OR3A3: variants seen among roughly 807,000 people sequenced by gnomAD.
OR3A3 encodes the protein olfactory receptor 3A3.
For missense variants in OR3A3, 275 were observed against 391.4 expected (o/e 0.70, Z 2.51); for synonymous variants, 103 against 163.9 (o/e 0.63, Z 2.84).
chr17:3,419,975 G>A (rs2072418662), intron 2 of OR3A3, among the ~76,000 whole-genome samples: 1 of 152,174 alleles, frequency 6.6e-6, no homozygotes, highest in African/African-American at 2.4e-5. Flanking sequence ...CGCTGTGTTA[G>A]CCAGGATGGT....
At chr17:3,421,286 CTGA>C in exon 3 of OR3A3, 1 of 1,614,208 alleles carries the variant, frequency 6.2e-7, no homozygotes, top group Non-Finnish European at 8.5e-7. Flanking sequence ...ATCCGCTCTG[CTGA>C]GGGCAGAAAG....
chr17:3,423,655 AG>A (rs2072451293), exon 3 of OR3A3: 1 of 152,162 alleles, frequency 6.6e-6, no homozygotes, highest in East Asian at 1.9e-4. Flanking sequence ...TTTGATGACC[AG>A]GCATGGTGGC....
intron 2 of OR3A3, among the ~76,000 whole-genome samples, chr17:3,413,323 G>C (rs1308305405): frequency 2.0e-5 from 3 of 152,164 alleles, no homozygotes; most frequent in African/African-American, 7.2e-5. Flanking sequence ...AGCAACTGGC[G>C]TCAAGTCTTG....
intron 2 of OR3A3, among the ~76,000 whole-genome samples, chr17:3,413,550 C>T (rs1277954562): frequency 6.6e-6 from 1 of 152,154 alleles, no homozygotes; most frequent in Non-Finnish European, 1.5e-5. Context: ...TGCGGTGGCT[C>T]ACGCCTGTAA....
chr17:3,420,456 T>G, intron 2 of OR3A3, 124 bp from the exon 3 acceptor site: 1 of 1,487,884 alleles, frequency 6.7e-7, no homozygotes, highest in Non-Finnish European at 9.0e-7. Context: ...GTAAAGGCAT[T>G]GAGGTGTTGG....
exon 3 of OR3A3, chr17:3,421,373 T>C: frequency 6.2e-7 from 1 of 1,614,212 alleles, no homozygotes; most frequent in South Asian, 1.1e-5. Flanking sequence ...TTCAGCTACA[T>C]GAGGCTGGGT....
At chr17:3,414,492 A>G (rs1455023522) in intron 2 of OR3A3, among the ~76,000 whole-genome samples, 3 of 152,196 alleles carry the variant, frequency 2.0e-5, no homozygotes, top group African/African-American at 7.2e-5. Flanking sequence ...CATCTTTACA[A>G]AGAAAGAAAA....
intron 2 of OR3A3, among the ~76,000 whole-genome samples, chr17:3,418,772 A>G (rs1454343694): frequency 1.3e-5 from 2 of 152,134 alleles, no homozygotes; most frequent in Middle Eastern, 6.3e-3. Context: ...CCATCTTCTG[A>G]TTTCAGATAC....
chr17:3,415,358 C>T (rs182459661), intron 2 of OR3A3, among the ~76,000 whole-genome samples: 83 of 151,534 alleles, frequency 5.5e-4, no homozygotes, highest in African/African-American at 2.0e-3. Flanking sequence ...GTCAGGAGTT[C>T]GAGACCAGCC....
intron 2 of OR3A3, among the ~76,000 whole-genome samples, chr17:3,418,714 A>G (rs772430096): frequency 3.0e-4 from 46 of 152,152 alleles, no homozygotes; most frequent in Non-Finnish European, 3.5e-4. Context: ...AGTTCAGGCA[A>G]TCATCATGCT....
Position 3,420,106 on chromosome 17 carries a change from CT to C in OR3A3, c.-6-470del, listed in dbSNP as rs565813364. Among the ~76,000 whole-genome samples, 474 of 152,146 alleles carry C rather than the reference CT, an allele frequency of 3.1e-3. 4 individuals are homozygous for C. Among genetic ancestry groups the C allele is most frequent in the Admixed American group, 5.9e-3 (90 of 15,276 alleles). On this transcript the variant is annotated intron_variant, in intron 2 of 2. Coordinates refer to ENST00000641141, the Ensembl canonical transcript of OR3A3. The stretch of plus-strand genomic sequence containing the variant: ...ATCTCACTATATTCAAAAAGGAAGT[CT>C]TTTGCCTTTTTTTTAACAAATTTTA...
At chr17:3,422,455 C>A (rs1360600088) in exon 3 of OR3A3, 1 of 152,054 alleles carries the variant, frequency 6.6e-6, no homozygotes, top group Non-Finnish European at 1.5e-5. Flanking sequence ...TGTAGAATAC[C>A]CAATACAACA....
At chr17:3,418,683 G>T (rs2072407094) in intron 2 of OR3A3, among the ~76,000 whole-genome samples, 1 of 152,084 alleles carries the variant, frequency 6.6e-6, no homozygotes, top group Non-Finnish European at 1.5e-5. Flanking sequence ...AACCGCTCCT[G>T]GCCCTGAATT....
chr17:3,416,451 C>T lies in OR3A3; in HGVS notation c.-6-4129C>T, dbSNP rs183467772. 5.5e-3 allele frequency among the ~76,000 whole-genome samples: 650 copies of T among 117,660 alleles called. 6 individuals are homozygous for T. The highest frequency in any genetic ancestry group is 0.016 in the African/African-American group (600 of 37,034). 77.2% of individuals were successfully genotyped at this position (117,660 alleles called of 152,430 possible). Reference sequence around the variant, plus strand: ...TCTTTTGAGCTAGTTATGCACACTTCGCAAAAAAAAAATGGAAGCTTTCTT... The same window carrying T: ...TCTTTTGAGCTAGTTATGCACACTTTGCAAAAAAAAAATGGAAGCTTTCTT... On this transcript the variant is annotated intron_variant, in intron 2 of 2. Transcript: ENST00000641141.
chr17:3,422,793 G>A, exon 3 of OR3A3: 1 of 152,800 alleles, frequency 6.5e-6, no homozygotes, highest in Non-Finnish European at 1.5e-5. Flanking sequence ...TTGACTGGAA[G>A]GATGGGCTGA....
intron 2 of OR3A3, 148 bp from the exon 3 acceptor site, chr17:3,420,432 C>T: frequency 1.5e-6 from 2 of 1,372,968 alleles, no homozygotes; most frequent in Non-Finnish European, 2.0e-6. Context: ...TTCGGCATCT[C>T]AACCAAGAGC....
At chr17:3,421,532 G>C (rs377403683) in exon 3 of OR3A3, 1 of 1,520,434 alleles carries the variant, frequency 6.6e-7, no homozygotes, top group African/African-American at 1.4e-5. Flanking sequence ...TCACTGACCT[G>C]AGAGATGACC....
chr17:3,420,417 T>C, intron 2 of OR3A3, 163 bp from the exon 3 acceptor site: 5 of 1,167,990 alleles, frequency 4.3e-6, no homozygotes, highest in African/African-American at 1.5e-5. Context: ...AAGGTGGTGG[T>C]GGCATTCGGC....
chr17:3,421,585 G>T (rs1384891610), exon 3 of OR3A3: 3 of 1,513,200 alleles, frequency 2.0e-6, no homozygotes, highest in Non-Finnish European at 2.7e-6. Flanking sequence ...TTCCCGAGAA[G>T]ATAGTAACCA....
Sources: gnomAD v4.1 joint callset for allele counts (sites outside exome capture counted in the v4.1 genomes callset) on GRCh38, gnomAD v4.1.1 for gene constraint, MANE v1.5 for transcripts, NCBI Gene and HGNC (gene_info 2026-07-23, HGNC 2026-07-21) for gene names.